The following DOCK9 variants were observed in gnomAD, a reference collection of about 807,000 sequenced individuals.
DOCK9 encodes dedicator of cytokinesis 9.
A neutral mutation model predicts 263.3 loss-of-function variants in DOCK9; 89 were observed. The observed-to-expected ratio is 0.34, with a 90% CI of 0.28 to 0.40. The LOEUF is 0.40. Among genes scored for constraint, DOCK9 ranks in the 10% least tolerant of loss-of-function variants. The pLI, the probability that DOCK9 is intolerant of heterozygous loss-of-function variation, is 1.00. For synonymous variants in DOCK9, 976 were observed against 973.1 expected (o/e 1.00, Z -0.06); for missense variants, 2,140 against 2,603.4 (o/e 0.82, Z 3.87).
intron 1 of DOCK9, among the ~76,000 whole-genome samples, chr13:98,959,789 G>A (rs1427859599): frequency 6.6e-6 from 1 of 152,216 alleles, no homozygotes; most frequent in African/African-American, 2.4e-5. Flanking sequence ...AGAGGGGCTT[G>A]GGAGACTTGG....
At chr13:98,934,967 A>G (rs1302754979) in intron 2 of DOCK9, among the ~76,000 whole-genome samples, 1 of 152,240 alleles carries the variant, frequency 6.6e-6, no homozygotes, top group African/African-American at 2.4e-5. Flanking sequence ...TAAAGCTTAC[A>G]GTCTGATGAA....
Position 98,797,451 on chromosome 13 carries a change from TAAGA to T in DOCK9, c.5951_5954del (p.Phe1984Ter). On this transcript the variant is annotated frameshift_variant, in exon 51 of 53. Transcript: ENST00000682017. LOFTEE classifies it high-confidence loss of function. ...GATATCGCTTTGTGTTTGTATCATCTAAGAAAGCTCGCGCATATGCTAGTGGGCC... is the reference window on the plus strand; with the variant it reads ...GATATCGCTTTGTGTTTGTATCATCTAAGCTCGCGCATATGCTAGTGGGCC... 1.2e-6 allele frequency: 2 copies of T among 1,613,340 alleles called. No homozygotes were observed. Among genetic ancestry groups the T allele is most frequent in the Non-Finnish European group, 1.7e-6 (2 of 1,179,620 alleles).
At chr13:98,973,920 A>G (rs1011114198) in intron 1 of DOCK9, among the ~76,000 whole-genome samples, 6 of 152,260 alleles carry the variant, frequency 3.9e-5, no homozygotes, top group Non-Finnish European at 7.4e-5. Context: ...ATACCTTATG[A>G]GTACACCTAA....
intron 35 of DOCK9, among the ~76,000 whole-genome samples, chr13:98,851,410 T>G (rs1179480264): frequency 6.6e-6 from 1 of 152,180 alleles, no homozygotes; most frequent in Admixed American, 6.5e-5. Context: ...CAGGGTATGG[T>G]GAGCCCCCGG....
At chr13:98,972,468 A>G (rs746492114) in intron 1 of DOCK9, among the ~76,000 whole-genome samples, 3 of 152,120 alleles carry the variant, frequency 2.0e-5, no homozygotes, top group Non-Finnish European at 4.4e-5. Context: ...TTGGCATGGC[A>G]ATGAGGTAGG....
Position 98,905,776 on chromosome 13 carries a change from C to A in DOCK9, c.961-1070G>T, listed in dbSNP as rs1183367554. Among the ~76,000 whole-genome samples, 4 of 66,804 alleles carry A rather than the reference C, an allele frequency of 6.0e-5. No individual in the cohort carries two copies. The South Asian group carries it at 2.6e-3, about 43-fold the overall frequency. The allele number at this position is 66,804 out of a possible 152,430, so 43.8% of individuals were successfully genotyped here. ...TACTTTCTTAATAAACTTGCTTTCA[C>A]TTAAAAAAAAAAAAAAAGGATTGGG... On this transcript the variant is annotated intron_variant, in intron 9 of 52. Coordinates refer to ENST00000682017, the MANE Select transcript of DOCK9 (RefSeq NM_001366683.2).
intron 1 of DOCK9, chr13:99,086,112 A>G: frequency 7.4e-7 from 1 of 1,345,134 alleles, no homozygotes; most frequent in Non-Finnish European, 9.5e-7. Flanking sequence ...CGGACCCAGC[A>G]GGGTCGGCCG....
intron 39 of DOCK9, among the ~76,000 whole-genome samples, 161 bp downstream of exon 39, chr13:98,837,333 G>T (rs1187952601): frequency 2.0e-5 from 3 of 152,180 alleles, no homozygotes; most frequent in East Asian, 3.9e-4. Context: ...ACTGTGGAAT[G>T]ATTTCATTAA....
chr13:98,880,921 G>A (rs1369809878), intron 25 of DOCK9, among the ~76,000 whole-genome samples: 2 of 152,020 alleles, frequency 1.3e-5, no homozygotes, highest in Non-Finnish European at 1.5e-5. Context: ...CTCCACCTGT[G>A]CCAGGGGCTT....
chr13:98,822,094 C>T (rs541180585), intron 45 of DOCK9, among the ~76,000 whole-genome samples: 20 of 152,212 alleles, frequency 1.3e-4, no homozygotes, highest in Non-Finnish European at 1.9e-4. Flanking sequence ...AAGGCTTGCT[C>T]AGGACTTTAT....
intron 1 of DOCK9, among the ~76,000 whole-genome samples, chr13:99,082,226 TAATA>T (rs1021277510): frequency 4.9e-5 from 7 of 143,562 alleles, no homozygotes; most frequent in Non-Finnish European, 1.1e-4. Context: ...TCTAAAAGAA[TAATA>T]AATAAGGCCG....
chr13:98,831,247 C>T (rs916748814), intron 41 of DOCK9, 101 bp downstream of exon 41: 5 of 1,320,020 alleles, frequency 3.8e-6, no homozygotes, highest in Non-Finnish European at 5.1e-6. Flanking sequence ...CTTGCAGTAT[C>T]TTTATGACAA....
chr13:99,008,206 CTCTCTCTATATA>C (rs796742899), intron 1 of DOCK9, among the ~76,000 whole-genome samples: 1,331 of 70,838 alleles, frequency 0.019, 11 homozygotes, highest in East Asian at 0.069. Flanking sequence ...CTCTCTCTCT[CTCTCTCTATATA>C]TATATATATA....
intron 1 of DOCK9, among the ~76,000 whole-genome samples, chr13:98,985,524 G>A (rs948491326): frequency 1.3e-5 from 2 of 152,138 alleles, no homozygotes; most frequent in Non-Finnish European, 2.9e-5. Context: ...TTTACTGAAG[G>A]CTCAGGATCC....
chr13:98,822,405 T>C (rs916947486), intron 45 of DOCK9, among the ~76,000 whole-genome samples: 3 of 152,230 alleles, frequency 2.0e-5, no homozygotes, highest in Non-Finnish European at 4.4e-5. Context: ...CTCTGCAGGA[T>C]AGGTCACTAA....
At chr13:99,003,280 C>T (rs956279634) in intron 1 of DOCK9, among the ~76,000 whole-genome samples, 1 of 152,210 alleles carries the variant, frequency 6.6e-6, no homozygotes, top group African/African-American at 2.4e-5. Context: ...ATTTCTTTAG[C>T]TAAGATTCTG....
chr13:98,957,087 A>G lies in DOCK9; in HGVS notation c.127-1536T>C, dbSNP rs141058989. ...TGGCCACTGCCTCATCTGGCCCACA[A>G]AAGCCTTCCACGTGGCCCCTCCTCC... On this transcript the variant is annotated intron_variant, in intron 1 of 52. Coordinates refer to ENST00000682017, the MANE Select transcript of DOCK9 (RefSeq NM_001366683.2). Among the ~76,000 whole-genome samples the G allele has an allele frequency of 3.4e-4, 52 of 152,308 alleles. 1 individual carries two copies. Among genetic ancestry groups the G allele is most frequent in the African/African-American group, 1.2e-3 (50 of 41,572 alleles).
intron 1 of DOCK9, among the ~76,000 whole-genome samples, chr13:99,074,443 G>C (rs2041824815): frequency 1.3e-5 from 2 of 152,180 alleles, no homozygotes; most frequent in Admixed American, 1.3e-4. Context: ...CAATTTACTA[G>C]AGAGAAAAGA....
intron 1 of DOCK9, among the ~76,000 whole-genome samples, chr13:99,003,690 T>C (rs1021695149): frequency 6.6e-6 from 1 of 152,056 alleles, no homozygotes; most frequent in African/African-American, 2.4e-5. Flanking sequence ...AAATCTCTCA[T>C]TTAACACTCT....
Sources: gnomAD v4.1 joint callset for allele counts (sites outside exome capture counted in the v4.1 genomes callset) on GRCh38, gnomAD v4.1.1 for gene constraint, MANE v1.5 for transcripts, NCBI Gene and HGNC (gene_info 2026-07-23, HGNC 2026-07-21) for gene names.